Variants in CFAP299 observed in about 807,000 individuals in gnomAD.
The protein encoded by CFAP299 is cilia and flagella associated protein 299, also known as cilia- and flagella-associated protein 299.
In CFAP299, 21 loss-of-function variants were observed where a neutral mutation model predicts 27.0. The ratio of observed to expected loss-of-function variants is 0.78; its 90% confidence interval spans 0.55 to 1.12. The LOEUF (loss-of-function observed/expected upper bound fraction) is 1.12. CFAP299 is among the 50% of genes most tolerant of loss of function. The probability of loss-of-function intolerance (pLI) is 0.00; values close to 1 mark genes in which losing one functional copy is unlikely to be tolerated. For missense variants in CFAP299, 310 were observed against 276.6 expected (o/e 1.12, Z -0.86); for synonymous variants, 104 against 98.1 (o/e 1.06, Z -0.36).
At chr4:80,856,806 G>A (rs1430759510) in intron 3 of CFAP299, among the ~76,000 whole-genome samples, 3 of 151,928 alleles carry the variant, frequency 2.0e-5, no homozygotes, top group Non-Finnish European at 4.4e-5. Flanking sequence ...GGTTACTGTA[G>A]CCTTGTAGTA....
intron 3 of CFAP299, among the ~76,000 whole-genome samples, chr4:80,722,864 G>T (rs1722918659): frequency 6.6e-6 from 1 of 152,080 alleles, no homozygotes; most frequent in Admixed American, 6.6e-5. Context: ...TCATGCCACT[G>T]CACTCCAGCC....
intron 2 of CFAP299, among the ~76,000 whole-genome samples, chr4:80,389,290 T>C (rs1183266097): frequency 6.6e-6 from 1 of 152,104 alleles, no homozygotes; most frequent in African/African-American, 2.4e-5. Flanking sequence ...TTCTTCTCTT[T>C]AGAGCTTCAC....
chr4:80,350,141 A>T (rs776904268), intron 1 of CFAP299, among the ~76,000 whole-genome samples: 11 of 152,176 alleles, frequency 7.2e-5, no homozygotes, highest in Non-Finnish European at 1.3e-4. Flanking sequence ...AGTCTAACAT[A>T]CATTTAAATG....
chr4:80,779,277 G>A (rs934752830), intron 3 of CFAP299, among the ~76,000 whole-genome samples: 18 of 151,960 alleles, frequency 1.2e-4, no homozygotes, highest in Non-Finnish European at 4.4e-5. Flanking sequence ...TCTTCAAAAT[G>A]GGCACTAAGT....
chr4:80,665,880 T>C (rs1741122473), intron 3 of CFAP299, among the ~76,000 whole-genome samples: 1 of 152,044 alleles, frequency 6.6e-6, no homozygotes, highest in Non-Finnish European at 1.5e-5. Context: ...TGGCACCTCT[T>C]CTCTCTCCCC....
the CFAP299 span, among the ~76,000 whole-genome samples, chr4:80,324,174 C>G: frequency 2.0e-5 from 3 of 151,956 alleles, no homozygotes; most frequent in Non-Finnish European, 4.4e-5. Context: ...ATGTGATGTT[C>G]CCCTCCCTGT....
At chr4:80,595,986 A>AT (rs1737038966) in intron 3 of CFAP299, among the ~76,000 whole-genome samples, 2 of 152,114 alleles carry the variant, frequency 1.3e-5, no homozygotes, top group African/African-American at 4.8e-5. Context: ...CATACCTATT[A>AT]GTCTTTGTGA....
intron 3 of CFAP299, among the ~76,000 whole-genome samples, chr4:80,644,383 T>A (rs934011909): frequency 1.3e-5 from 2 of 152,152 alleles, no homozygotes; most frequent in Non-Finnish European, 2.9e-5. Context: ...ATGAGTACAC[T>A]TTTTTAAATT....
At chr4:80,962,023 C>T (rs1374273696) in intron 5 of CFAP299, among the ~76,000 whole-genome samples, 1 of 151,770 alleles carries the variant, frequency 6.6e-6, no homozygotes, top group Admixed American at 6.6e-5. Context: ...CAGAAAGAAA[C>T]GGAAGATCTG....
At chr4:80,396,732 C>G (rs1463191802) in intron 2 of CFAP299, among the ~76,000 whole-genome samples, 1 of 152,146 alleles carries the variant, frequency 6.6e-6, no homozygotes, top group Non-Finnish European at 1.5e-5. Flanking sequence ...ATGAAGCCCA[C>G]TTGATCATGG....
intron 2 of CFAP299, among the ~76,000 whole-genome samples, chr4:80,579,583 C>T (rs1736065034): frequency 6.6e-6 from 1 of 152,100 alleles, no homozygotes; most frequent in Non-Finnish European, 1.5e-5. Flanking sequence ...TTAAGAGTCC[C>T]ATCCTTACTA....
intron 3 of CFAP299, among the ~76,000 whole-genome samples, chr4:80,637,844 T>A (rs1739525801): frequency 6.6e-6 from 1 of 152,190 alleles, no homozygotes; most frequent in Admixed American, 6.5e-5. Context: ...TCACGTTGCC[T>A]TGCTTCCAAC....
chr4:80,868,644 T>G (rs1258600525), intron 3 of CFAP299, among the ~76,000 whole-genome samples: 1 of 152,212 alleles, frequency 6.6e-6, no homozygotes, highest in African/African-American at 2.4e-5. Flanking sequence ...CTCTCCTCTC[T>G]GGGTTCCTGC....
chr4:80,812,799 AT>A (rs930861970), intron 3 of CFAP299, among the ~76,000 whole-genome samples: 2 of 152,124 alleles, frequency 1.3e-5, no homozygotes, highest in African/African-American at 4.8e-5. Flanking sequence ...ATATTACTTT[AT>A]CTCAAAGCTT....
intron 2 of CFAP299, among the ~76,000 whole-genome samples, chr4:80,428,045 T>G (rs1727610740): frequency 6.6e-6 from 1 of 152,190 alleles, no homozygotes; most frequent in South Asian, 2.1e-4. Context: ...ACAATAAAGT[T>G]AATATGCTAG....
intron 3 of CFAP299, among the ~76,000 whole-genome samples, chr4:80,783,344 G>A (rs1329025867): frequency 6.6e-6 from 1 of 152,144 alleles, no homozygotes; most frequent in East Asian, 1.9e-4. Flanking sequence ...AATACTAGCA[G>A]GCAGGGACCA....
chr4:80,682,671 T>G (rs17004967), intron 3 of CFAP299, among the ~76,000 whole-genome samples: 14,677 of 152,120 alleles, frequency 0.096, 1,061 homozygotes, highest in East Asian at 0.22. Context: ...AAGTCACATT[T>G]TTACTGCTTA....
In CFAP299 at chr4:80,927,645, T is replaced by G. The variant is rs1371045357; in HGVS notation, c.477-17165T>G. On this transcript the variant is annotated intron_variant, in intron 4 of 5. Coordinates refer to ENST00000358105, the MANE Select transcript of CFAP299 (RefSeq NM_152770.3). The stretch of plus-strand genomic sequence containing the variant: ...CTGCTCCTAAATTCATTTAGATTCT[T>G]GGCAAAATCTAGTTCCTTCTGGCTA... 3.3e-5 allele frequency among the ~76,000 whole-genome samples: 5 copies of G among 152,118 alleles called. No homozygotes were observed. The East Asian group carries it at 9.7e-4, about 29-fold the overall frequency.
chr4:80,898,861 A>G (rs1370677335), intron 4 of CFAP299, among the ~76,000 whole-genome samples: 1 of 152,198 alleles, frequency 6.6e-6, no homozygotes, highest in Non-Finnish European at 1.5e-5. Flanking sequence ...TACTGAGAGT[A>G]AGCAGGCAGG....
Sources: allele counts gnomAD v4.1 joint callset (sites outside exome capture counted in the v4.1 genomes callset), GRCh38; gene constraint gnomAD v4.1.1; transcripts MANE v1.5; gene names NCBI Gene and HGNC (gene_info 2026-07-23, HGNC 2026-07-21).